The following TLR6 variants were observed in gnomAD, a reference collection of about 807,000 sequenced individuals.
TLR6 encodes toll-like receptor 6.
Under a neutral mutation model 16.1 loss-of-function variants are expected in TLR6, and 9 were observed. The observed-to-expected ratio is 0.56, with a 90% CI of 0.34 to 0.98. The LOEUF (loss-of-function observed/expected upper bound fraction) is 0.98. Ranked by LOEUF, TLR6 falls within the 50% of genes least tolerant of loss-of-function variation. The pLI, the probability that TLR6 is intolerant of heterozygous loss-of-function variation, is 0.02. For missense variants in TLR6, 786 were observed against 921.0 expected (o/e 0.85, Z 1.90); for synonymous variants, 340 against 338.6 (o/e 1.00, Z -0.04).
In TLR6 at chr4:38,841,064, GT is replaced by G. The variant is rs1712234858; in HGVS notation, c.-64-11528del. Among the ~76,000 whole-genome samples the G allele has an allele frequency of 2.0e-5, 3 of 151,998 alleles. No individual in the cohort carries two copies. In the South Asian group the frequency reaches 6.2e-4, roughly 32 times the overall value. On this transcript the variant is annotated intron_variant, in intron 1 of 1. Coordinates refer to ENST00000436693, the Ensembl canonical transcript of TLR6. ...TTTTTTTTGGGGGGTGGGGTGGATG[GT>G]TAATTTTTTTGCTTTTCTTTTCCTT...
intron 1 of TLR6, among the ~76,000 whole-genome samples, chr4:38,847,665 C>A (rs1359089814): frequency 3.3e-5 from 5 of 152,232 alleles, no homozygotes; most frequent in African/African-American, 1.2e-4. Context: ...GGGTCCCACA[C>A]CCACGGAGCC....
At chr4:38,859,911 A>G (rs2109483589), upstream of TLR6, among the ~76,000 whole-genome samples, 1 of 152,132 alleles carries the variant, frequency 6.6e-6, no homozygotes, top group South Asian at 2.1e-4. Flanking sequence ...TCTTCACTAT[A>G]TATAGATATG....
At chr4:38,829,020 C>T in exon 2 of TLR6, 2 of 1,614,028 alleles carry the variant, frequency 1.2e-6, no homozygotes, top group South Asian at 1.1e-5. Context: ...GCACTCAATC[C>T]CAAGAAATTC....
At chr4:38,850,773 G>A (rs752806279) in intron 1 of TLR6, among the ~76,000 whole-genome samples, 5 of 152,224 alleles carry the variant, frequency 3.3e-5, no homozygotes, top group Middle Eastern at 3.4e-3. Flanking sequence ...AGGACCAGAC[G>A]GATTCACAGC....
At chr4:38,834,826 C>T (rs991616421) in intron 1 of TLR6, among the ~76,000 whole-genome samples, 1 of 152,168 alleles carries the variant, frequency 6.6e-6, no homozygotes, top group Admixed American at 6.5e-5. Flanking sequence ...AATATTCTTT[C>T]CCAGACAAGC....
At chr4:38,864,008 T>C in the TLR6 span, among the ~76,000 whole-genome samples, 1 of 152,328 alleles carries the variant, frequency 6.6e-6, no homozygotes, top group Admixed American at 6.5e-5. Flanking sequence ...CTGGCCACCT[T>C]ACCTTTCTGT....
exon 2 of TLR6, chr4:38,827,361 T>G (rs1467305272): frequency 5.6e-6 from 9 of 1,614,042 alleles, no homozygotes; most frequent in Non-Finnish European, 7.6e-6. Flanking sequence ...TGGACAAAGT[T>G]GGGAGACAAA....
At chr4:38,836,784 CA>C (rs1326850223) in intron 1 of TLR6, among the ~76,000 whole-genome samples, 1 of 151,662 alleles carries the variant, frequency 6.6e-6, no homozygotes, top group African/African-American at 2.4e-5. Flanking sequence ...ACTAAAAATA[CA>C]AAAAATTAGC....
chr4:38,858,814 G>GAA (rs1234903987), upstream of TLR6, among the ~76,000 whole-genome samples: 17 of 30,512 alleles, frequency 5.6e-4, no homozygotes, highest in African/African-American at 2.2e-3. Flanking sequence ...AGAGAGAGAG[G>GAA]GAGAGAGAGA....
chr4:38,827,581 T>A lies in TLR6; in HGVS notation c.1893A>T (p.Ile631=), dbSNP rs763583021. ...GGTTTCTTTGGAGTTCTTCTAAGGGTATGTTCCTGGCCCTGCGCCGAGTCT... is the reference window on the plus strand; with the variant it reads ...GGTTTCTTTGGAGTTCTTCTAAGGGAATGTTCCTGGCCCTGCGCCGAGTCT... The change falls in exon 2 of 2, where the codon ATA becomes ATT. Residue 631 remains isoleucine, a synonymous_variant. Coordinates refer to ENST00000436693, the Ensembl canonical transcript of TLR6. 397 of 1,614,064 alleles carry A rather than the reference T, an allele frequency of 2.5e-4. No homozygotes were observed. The Middle Eastern group carries it at 3.1e-3, about 13-fold the overall frequency.
intron 1 of TLR6, among the ~76,000 whole-genome samples, chr4:38,841,577 A>G (rs1579252235): frequency 6.6e-6 from 1 of 152,194 alleles, no homozygotes; most frequent in East Asian, 1.9e-4. Flanking sequence ...AAGAGAGAAG[A>G]AAAAAGGGAA....
At chr4:38,853,982 TTAA>T (rs553963209) in intron 1 of TLR6, among the ~76,000 whole-genome samples, 1 of 152,176 alleles carries the variant, frequency 6.6e-6, no homozygotes, top group Non-Finnish European at 1.5e-5. Context: ...AGTAGAAAAA[TTAA>T]TAAGATACAT....
intron 1 of TLR6, among the ~76,000 whole-genome samples, chr4:38,832,102 T>C (rs1157208534): frequency 1.3e-5 from 2 of 152,074 alleles, no homozygotes; most frequent in African/African-American, 4.8e-5. Flanking sequence ...CAACAAGATA[T>C]CCCTCAATAG....
chr4:38,852,469 G>A (rs191435572), intron 1 of TLR6, among the ~76,000 whole-genome samples: 54 of 152,258 alleles, frequency 3.5e-4, no homozygotes, highest in African/African-American at 1.1e-3. Flanking sequence ...GAAAATTTTT[G>A]CAATCTACTC....
At chr4:38,862,944 A>AC in the TLR6 span, among the ~76,000 whole-genome samples, 1 of 150,912 alleles carries the variant, frequency 6.6e-6, no homozygotes, top group Admixed American at 6.6e-5. Flanking sequence ...AAAAAAAAAA[A>AC]AAAAAAAAAA....
chr4:38,839,856 T>C lies in TLR6; in HGVS notation c.-64-10319A>G, dbSNP rs76405751. On this transcript the variant is annotated intron_variant, in intron 1 of 1. Coordinates refer to ENST00000436693, the Ensembl canonical transcript of TLR6. The stretch of plus-strand genomic sequence containing the variant: ...CTATTGGGGCATTTGGGTATGAATG[T>C]TTAGTTGAGCCTGAGAAACCTCCGA... Among the ~76,000 whole-genome samples the C allele has an allele frequency of 1.6e-3, 238 of 152,308 alleles. 1 individual carries two copies. The highest frequency in any genetic ancestry group is 5.1e-3 in the African/African-American group (214 of 41,556).
exon 2 of TLR6, chr4:38,826,862 A>G: frequency 4.7e-6 from 2 of 421,802 alleles, no homozygotes; most frequent in Non-Finnish European, 8.3e-6. Flanking sequence ...GACTGTTTCA[A>G]TTTGAAACAT....
At chr4:38,840,047 G>A (rs1271346384) in intron 1 of TLR6, among the ~76,000 whole-genome samples, 11 of 152,166 alleles carry the variant, frequency 7.2e-5, no homozygotes, top group Admixed American at 7.2e-4. Flanking sequence ...CCTATCACTT[G>A]ATTTGGAATT....
At chr4:38,853,144 A>G (rs1006318163) in intron 1 of TLR6, among the ~76,000 whole-genome samples, 17 of 147,010 alleles carry the variant, frequency 1.2e-4, no homozygotes, top group African/African-American at 4.3e-4. Flanking sequence ...AAAACCAAAC[A>G]CCGCATGTTC....
Sources: allele counts gnomAD v4.1 joint callset (sites outside exome capture counted in the v4.1 genomes callset), GRCh38; gene constraint gnomAD v4.1.1; transcripts MANE v1.5; gene names NCBI Gene and HGNC (gene_info 2026-07-23, HGNC 2026-07-21).